WWP2: variants seen among roughly 807,000 people sequenced by gnomAD.
WWP2 encodes WW domain containing E3 ubiquitin protein ligase 2.
WWP2 carries 57 observed loss-of-function variants against 121.0 expected under a neutral mutation model. That is an observed-to-expected ratio of 0.47 (90% confidence interval 0.38 to 0.59). The LOEUF is 0.59. Ranked by LOEUF, WWP2 falls within the 20% of genes least tolerant of loss-of-function variation. The pLI is 0.00. For missense variants in WWP2, 962 were observed against 1,158.9 expected (o/e 0.83, Z 2.47); for synonymous variants, 449 against 441.3 (o/e 1.02, Z -0.22).
chr16:69,798,650 C>A, intron 2 of WWP2, 32 bp from the exon 3 acceptor site: 1 of 1,606,494 alleles, frequency 6.2e-7, no homozygotes, highest in Non-Finnish European at 8.5e-7. Context: ...CCCTGGGACT[C>A]ATCTTTGACT....
In WWP2 at chr16:69,934,090, C is replaced by T. The variant is rs748506233; in HGVS notation, c.1803C>T (p.His601=). ...CCGCCTCCTCCATCAACCCGGACCA[C>T]CTCACCTACTTTCGCTTTATAGGCA... ...INPASSINPD[H]LTYFRFIGRF... The change falls in exon 17 of 24, where the codon CAC becomes CAT. Residue 601 remains histidine, a synonymous_variant. Transcript: ENST00000359154. The T allele has an allele frequency of 1.2e-6, 2 of 1,614,100 alleles. No individual in the cohort carries two copies. Among genetic ancestry groups the T allele is most frequent in the Admixed American group, 1.7e-5 (1 of 60,014 alleles).
intron 6 of WWP2, among the ~76,000 whole-genome samples, chr16:69,847,794 G>C (rs571171873): frequency 1.2e-4 from 19 of 152,078 alleles, no homozygotes; most frequent in Middle Eastern, 3.4e-3. Flanking sequence ...TATTCATGAG[G>C]GATCCACCCC....
chr16:69,884,382 G>T (rs1344469297), intron 7 of WWP2, among the ~76,000 whole-genome samples: 1 of 152,162 alleles, frequency 6.6e-6, no homozygotes, highest in Non-Finnish European at 1.5e-5. Flanking sequence ...CCAGCACTTT[G>T]GGAGGCTGAG....
intron 8 of WWP2, among the ~76,000 whole-genome samples, chr16:69,889,174 C>T (rs924043487): frequency 4.6e-5 from 7 of 152,072 alleles, no homozygotes; most frequent in African/African-American, 1.7e-4. Flanking sequence ...CACACACACA[C>T]ACAAATGTGG....
chr16:69,939,523 G>C (rs550155708), intron 23 of WWP2, 110 bp downstream of exon 23: 9 of 1,160,722 alleles, frequency 7.8e-6, no homozygotes, highest in Admixed American at 6.1e-5. Flanking sequence ...CAGCTTTTGC[G>C]TGGCCCTGGG....
intron 8 of WWP2, among the ~76,000 whole-genome samples, chr16:69,893,127 T>C (rs1026593106): frequency 1.7e-4 from 26 of 152,208 alleles, no homozygotes; most frequent in African/African-American, 6.0e-4. Context: ...ATCTTGTCCA[T>C]TAATTCCTAT....
At chr16:69,889,128 A>G (rs2057980236) in intron 8 of WWP2, among the ~76,000 whole-genome samples, 1 of 151,676 alleles carries the variant, frequency 6.6e-6, no homozygotes, top group African/African-American at 2.4e-5. Flanking sequence ...AGCCTGGGCA[A>G]TATAGTGATA....
chr16:69,939,455 C>T, intron 23 of WWP2, 42 bp downstream of exon 23: 2 of 1,606,102 alleles, frequency 1.2e-6, no homozygotes, highest in Non-Finnish European at 1.7e-6. Context: ...GGGCCTCAGA[C>T]CCGATGAGCT....
intron 6 of WWP2, among the ~76,000 whole-genome samples, chr16:69,865,957 G>C (rs2057513285): frequency 6.6e-6 from 1 of 152,186 alleles, no homozygotes. Flanking sequence ...CAGTGAACAA[G>C]TCTTTTGAGA....
At chr16:69,771,952 CTTTTTT>C (rs56376857) in intron 1 of WWP2, among the ~76,000 whole-genome samples, 3 of 55,808 alleles carry the variant, frequency 5.4e-5, no homozygotes, top group Non-Finnish European at 1.0e-4. Context: ...TCTTTTTAGT[CTTTTTT>C]TTTTTTTTTT....
At chr16:69,798,997 C>G (rs562784393) in intron 3 of WWP2, 168 bp downstream of exon 3, 6 of 1,314,560 alleles carry the variant, frequency 4.6e-6, no homozygotes, top group Middle Eastern at 2.5e-4. Flanking sequence ...GCTCATAGAG[C>G]GTTCATTATT....
intron 4 of WWP2, among the ~76,000 whole-genome samples, chr16:69,801,580 AG>A (rs1184586079): frequency 6.6e-6 from 1 of 152,134 alleles, no homozygotes; most frequent in Admixed American, 6.6e-5. Context: ...TATATTGCTC[AG>A]GCTGGAGTGT....
chr16:69,777,243 T>C (rs1288785849), intron 1 of WWP2, among the ~76,000 whole-genome samples: 3 of 152,048 alleles, frequency 2.0e-5, no homozygotes, highest in African/African-American at 7.2e-5. Context: ...TATACATGTA[T>C]ATTTATTTGG....
chr16:69,848,820 G>C (rs1413404885), intron 6 of WWP2, among the ~76,000 whole-genome samples: 1 of 152,120 alleles, frequency 6.6e-6, no homozygotes, highest in Non-Finnish European at 1.5e-5. Context: ...TTTGCCTGTG[G>C]CCCTCATCAG....
intron 9 of WWP2, among the ~76,000 whole-genome samples, chr16:69,911,537 G>T (rs2058379218): frequency 6.6e-6 from 1 of 152,194 alleles, no homozygotes; most frequent in Admixed American, 6.5e-5. Context: ...AGAAGTCCAA[G>T]TGTGCCCGGT....
chr16:69,829,200 C>T (rs1567689779), intron 4 of WWP2, among the ~76,000 whole-genome samples: 1 of 152,120 alleles, frequency 6.6e-6, no homozygotes, highest in Non-Finnish European at 1.5e-5. Context: ...TGCTCTAGTC[C>T]TTTCCTGGCT....
intron 10 of WWP2, among the ~76,000 whole-genome samples, chr16:69,920,303 G>A (rs754639439): frequency 3.3e-5 from 5 of 152,156 alleles, no homozygotes; most frequent in South Asian, 2.1e-4. Context: ...CCAGGGCCCC[G>A]CTGTCTAGCC....
intron 4 of WWP2, among the ~76,000 whole-genome samples, chr16:69,800,185 G>A (rs796717493): frequency 9.2e-5 from 14 of 151,622 alleles, no homozygotes; most frequent in African/African-American, 2.2e-4. Flanking sequence ...TTTTCTTTTC[G>A]GCTGGGCACA....
intron 8 of WWP2, among the ~76,000 whole-genome samples, chr16:69,892,575 C>G (rs2058046510): frequency 6.6e-6 from 1 of 152,170 alleles, no homozygotes; most frequent in African/African-American, 2.4e-5. Flanking sequence ...ACTCTGTCAC[C>G]CAAGCTGGAG....
Sources: gnomAD v4.1 joint callset for allele counts (sites outside exome capture counted in the v4.1 genomes callset) on GRCh38, gnomAD v4.1.1 for gene constraint, MANE v1.5 for transcripts, NCBI Gene and HGNC (gene_info 2026-07-23, HGNC 2026-07-21) for gene names.